BTRC: variants seen among roughly 807,000 people sequenced by gnomAD.
The protein encoded by BTRC is F-box/WD repeat-containing protein 1A.
Under a neutral mutation model 85.5 loss-of-function variants are expected in BTRC, and 42 were observed. The ratio of observed to expected loss-of-function variants is 0.49; its 90% CI spans 0.38 to 0.64. The LOEUF (loss-of-function observed/expected upper bound fraction) is 0.64. Ranked by LOEUF, BTRC falls within the 30% of genes least tolerant of loss-of-function variation. The probability of loss-of-function intolerance (pLI) is 0.00; values close to 1 mark genes in which losing one functional copy is unlikely to be tolerated. For missense variants in BTRC, 594 were observed against 743.5 expected (o/e 0.80, Z 2.34); for synonymous variants, 255 against 263.3 (o/e 0.97, Z 0.30).
chr10:101,523,679 C>T (rs993479663), intron 5 of BTRC, among the ~76,000 whole-genome samples: 1 of 152,128 alleles, frequency 6.6e-6, no homozygotes, highest in African/African-American at 2.4e-5. Context: ...GTTTTCTCTA[C>T]GTATGTGTAT....
intron 2 of BTRC, among the ~76,000 whole-genome samples, chr10:101,438,380 G>A (rs996888367): frequency 1.3e-4 from 17 of 127,184 alleles, no homozygotes; most frequent in East Asian, 5.1e-4. Flanking sequence ...AGCCGAGATC[G>A]CGCCACTACA....
intron 4 of BTRC, among the ~76,000 whole-genome samples, chr10:101,480,143 T>C (rs1021293980): frequency 6.6e-6 from 1 of 152,256 alleles, no homozygotes; most frequent in African/African-American, 2.4e-5. Flanking sequence ...GCTTTGTTTC[T>C]TTTACTTGAA....
chr10:101,358,856 G>A (rs867060685), intron 1 of BTRC, among the ~76,000 whole-genome samples: 64 of 152,300 alleles, frequency 4.2e-4, no homozygotes, highest in African/African-American at 1.5e-3. Flanking sequence ...ACAGAGGGAG[G>A]AGAAATAATG....
chr10:101,387,624 T>C (rs1397925265), intron 1 of BTRC, among the ~76,000 whole-genome samples: 2 of 147,218 alleles, frequency 1.4e-5, no homozygotes, highest in African/African-American at 5.0e-5. Context: ...CCTCCTGGGT[T>C]CAAGCGATTC....
chr10:101,481,545 T>C (rs1475470748), intron 4 of BTRC, among the ~76,000 whole-genome samples: 3 of 150,448 alleles, frequency 2.0e-5, no homozygotes, highest in Admixed American at 1.3e-4. Flanking sequence ...TTGGTGTGTG[T>C]CTATATGATG....
In BTRC at chr10:101,526,243, G is replaced by C. The variant is rs1223955542; in HGVS notation, c.743+44G>C. ...TTACTCTTATACGGCTTCAGGACCT[G>C]GCCATTCACAGTCACTGAAAGATTT... On this transcript the variant is annotated intron_variant, in intron 6 of 14. Coordinates refer to ENST00000370187, the MANE Select transcript of BTRC (RefSeq NM_033637.4). 4.5e-6 allele frequency: 7 copies of C among 1,547,234 alleles called. No homozygotes were observed. The African/African-American group carries it at 9.5e-5, about 21-fold the overall frequency.
At chr10:101,450,567 C>T (rs1052252121) in intron 2 of BTRC, among the ~76,000 whole-genome samples, 3 of 152,104 alleles carry the variant, frequency 2.0e-5, no homozygotes, top group Non-Finnish European at 4.4e-5. Context: ...ATAACAGGCA[C>T]CAATGCTGTT....
intron 1 of BTRC, among the ~76,000 whole-genome samples, chr10:101,421,943 T>C (rs1239947538): frequency 6.6e-6 from 1 of 152,096 alleles, no homozygotes; most frequent in Non-Finnish European, 1.5e-5. Context: ...CGTGTGCATG[T>C]GTCTTTAGAG....
intron 13 of BTRC, among the ~76,000 whole-genome samples, chr10:101,539,067 G>T (rs2062429440): frequency 6.7e-6 from 1 of 149,094 alleles, no homozygotes; most frequent in South Asian, 2.1e-4. Flanking sequence ...AAAAAAAACT[G>T]CCCTGGGAAT....
At chr10:101,387,674 C>A (rs1483106563) in intron 1 of BTRC, among the ~76,000 whole-genome samples, 1 of 150,530 alleles carries the variant, frequency 6.6e-6, no homozygotes, top group Non-Finnish European at 1.5e-5. Flanking sequence ...TTACAGGTGC[C>A]CACCACCACA....
chr10:101,375,561 T>C (rs1472646139), intron 1 of BTRC, among the ~76,000 whole-genome samples: 1 of 152,170 alleles, frequency 6.6e-6, no homozygotes, highest in African/African-American at 2.4e-5. Context: ...GGGGCAGATA[T>C]TCTGGGGAGA....
chr10:101,412,169 TA>T (rs1347484803), intron 1 of BTRC, among the ~76,000 whole-genome samples: 1 of 152,366 alleles, frequency 6.6e-6, no homozygotes, highest in East Asian at 1.9e-4. Context: ...ATACAGGACT[TA>T]GTATTCAGGA....
intron 1 of BTRC, among the ~76,000 whole-genome samples, chr10:101,367,386 A>C (rs928137100): frequency 6.6e-6 from 1 of 152,008 alleles, no homozygotes; most frequent in Non-Finnish European, 1.5e-5. Flanking sequence ...TCTATATTTA[A>C]GAAGAATGTT....
At chr10:101,454,747 A>G (rs764416478) in intron 2 of BTRC, among the ~76,000 whole-genome samples, 2 of 152,040 alleles carry the variant, frequency 1.3e-5, no homozygotes, top group Admixed American at 6.6e-5. Context: ...ATGTCATTAC[A>G]CTCCAGCCTG....
intron 2 of BTRC, among the ~76,000 whole-genome samples, chr10:101,461,375 GT>G (rs910815648): frequency 1.2e-4 from 18 of 151,878 alleles, no homozygotes; most frequent in African/African-American, 4.1e-4. Context: ...TTGGATTGTT[GT>G]TTTTTTCCCC....
Position 101,380,864 on chromosome 10 carries a change from C to A in BTRC, c.48+26636C>A, listed in dbSNP as rs545739503. Among the ~76,000 whole-genome samples, 5 of 152,234 alleles carry A rather than the reference C, an allele frequency of 3.3e-5. No homozygotes were observed. The South Asian group carries it at 1.0e-3, about 32-fold the overall frequency. ...GTGAGCTTCACAGAGTGTACATAGA[C>A]AAATCTAGATAGTATACCTTACTAT... On this transcript the variant is annotated intron_variant, in intron 1 of 14. Coordinates refer to ENST00000370187, the MANE Select transcript of BTRC (RefSeq NM_033637.4).
chr10:101,459,186 T>G (rs147578514), intron 2 of BTRC, among the ~76,000 whole-genome samples: 1 of 152,334 alleles, frequency 6.6e-6, no homozygotes, highest in African/African-American at 2.4e-5. Context: ...TAATTTAGCC[T>G]GATGATCTAG....
At position 101,553,594 on chromosome 10, in the gene BTRC, G is replaced by GTGTC. The variant is rs1397457297; in HGVS notation, c.*473_*476dup. ...GATGCAGCTTCAAGCCCAGTGCCCA[G>GTGTC]TGTCTCCCTGTTAACTGCAGGAATG... On this transcript the variant is annotated 3_prime_UTR_variant, in exon 15 of 15. Transcript: ENST00000370187. 6.5e-6 allele frequency: 1 copy of GTGTC among 152,766 alleles called. No homozygotes were observed. The highest frequency in any genetic ancestry group is 1.5e-5 in the Non-Finnish European group (1 of 68,162). 9.5% of individuals were successfully genotyped at this position (152,766 alleles called of 1,614,324 possible). A position where few individuals can be genotyped will look rare whatever the true frequency, so the allele number is the denominator to read the frequency against.
At chr10:101,508,913 T>TAAAAAGAAAAAAAAAAA (rs1946612667) in intron 4 of BTRC, among the ~76,000 whole-genome samples, 1 of 101,952 alleles carries the variant, frequency 9.8e-6, no homozygotes, top group African/African-American at 3.6e-5. Context: ...GACTCCATCT[T>TAAAAAGAAAAAAAAAAA]AAAAAAAAAA....
Sources: allele counts gnomAD v4.1 joint callset (sites outside exome capture counted in the v4.1 genomes callset), GRCh38; gene constraint gnomAD v4.1.1; transcripts MANE v1.5; gene names NCBI Gene and HGNC (gene_info 2026-07-23, HGNC 2026-07-21).